The following RPS6KC1 variants were observed in gnomAD, a reference collection of about 807,000 sequenced individuals.
RPS6KC1 encodes inactive ribosomal protein S6 kinase delta-1.
Under a neutral mutation model 103.8 loss-of-function variants are expected in RPS6KC1, and 54 were observed. That is an observed-to-expected ratio of 0.52 (90% CI 0.42 to 0.65). RPS6KC1 has a LOEUF of 0.65. RPS6KC1 is among the 30% of genes least tolerant of loss of function. The pLI is 0.00. For missense variants in RPS6KC1, 1,151 were observed against 1,253.8 expected (o/e 0.92, Z 1.24); for synonymous variants, 439 against 438.7 (o/e 1.00, Z -0.01).
chr1:213,525,749 A>G, the RPS6KC1 span, among the ~76,000 whole-genome samples: 1 of 152,190 alleles, frequency 6.6e-6, no homozygotes, highest in African/African-American at 2.4e-5. Flanking sequence ...GCCTTGGCAA[A>G]TACAGGGCTG....
At chr1:213,577,756 G>A in the RPS6KC1 span, among the ~76,000 whole-genome samples, 145 of 152,252 alleles carry the variant, frequency 9.5e-4, 1 homozygote, top group Non-Finnish European at 1.9e-3. Context: ...AGGTGACTTG[G>A]CTGTTCTTAA....
intron 8 of RPS6KC1, among the ~76,000 whole-genome samples, chr1:213,214,559 A>G (rs571489302): frequency 2.2e-3 from 341 of 152,310 alleles, no homozygotes; most frequent in African/African-American, 8.0e-3. Flanking sequence ...TTGAGATCTG[A>G]GAATGGACAG....
At chr1:213,184,281 AAG>A in intron 8 of RPS6KC1, among the ~76,000 whole-genome samples, 1 of 152,102 alleles carries the variant, frequency 6.6e-6, no homozygotes, top group Non-Finnish European at 1.5e-5. Context: ...AAGACATTAG[AAG>A]AAAGAAAACT....
the RPS6KC1 span, among the ~76,000 whole-genome samples, chr1:213,816,623 C>T: frequency 1.3e-5 from 2 of 152,092 alleles, no homozygotes; most frequent in African/African-American, 2.4e-5. Flanking sequence ...AATTTCAGCC[C>T]CTCTGGTGTT....
At chr1:213,165,625 A>T (rs1021900598) in intron 6 of RPS6KC1, among the ~76,000 whole-genome samples, 10 of 152,062 alleles carry the variant, frequency 6.6e-5, no homozygotes, top group African/African-American at 2.4e-4. Flanking sequence ...GGGTTTCACC[A>T]TGTTAGCCAG....
At chr1:213,661,988 A>G in the RPS6KC1 span, among the ~76,000 whole-genome samples, 4 of 152,198 alleles carry the variant, frequency 2.6e-5, no homozygotes, top group Non-Finnish European at 4.4e-5. Context: ...ATTCCTATTA[A>G]TGTGGCTGGA....
At chr1:213,561,146 G>A in the RPS6KC1 span, among the ~76,000 whole-genome samples, 2 of 152,210 alleles carry the variant, frequency 1.3e-5, no homozygotes, top group East Asian at 1.9e-4. Flanking sequence ...ACGTCTACTC[G>A]GGTATTATCT....
At chr1:213,626,177 C>T in the RPS6KC1 span, among the ~76,000 whole-genome samples, 39 of 152,284 alleles carry the variant, frequency 2.6e-4, no homozygotes, top group Non-Finnish European at 4.4e-4. Flanking sequence ...TCTCTGATGG[C>T]CAGTGATGAA....
chr1:213,330,194 T>A, the RPS6KC1 span, among the ~76,000 whole-genome samples: 1 of 152,244 alleles, frequency 6.6e-6, no homozygotes, highest in African/African-American at 2.4e-5. Flanking sequence ...CCATCTGTGA[T>A]ACGGACTTGG....
chr1:213,736,932 T>C, the RPS6KC1 span, among the ~76,000 whole-genome samples: 1 of 152,222 alleles, frequency 6.6e-6, no homozygotes, highest in Non-Finnish European at 1.5e-5. Flanking sequence ...GGTCAAACTA[T>C]TCCCCAAGGA....
intron 1 of RPS6KC1, among the ~76,000 whole-genome samples, chr1:213,055,469 C>T (rs1242371661): frequency 6.6e-6 from 1 of 151,938 alleles, no homozygotes; most frequent in African/African-American, 2.4e-5. Flanking sequence ...TGCATTTTAT[C>T]TGATGGATAT....
At chr1:213,423,646 G>A in the RPS6KC1 span, among the ~76,000 whole-genome samples, 2 of 152,194 alleles carry the variant, frequency 1.3e-5, no homozygotes, top group Non-Finnish European at 2.9e-5. Context: ...CCAGCAAGAG[G>A]AAAGGACTTC....
chr1:213,821,485 T>C, the RPS6KC1 span: 1 of 152,210 alleles, frequency 6.6e-6, no homozygotes, highest in Admixed American at 6.5e-5. Context: ...AGGCAGAAAA[T>C]GTGGAAACAT....
intron 8 of RPS6KC1, among the ~76,000 whole-genome samples, chr1:213,194,189 C>T (rs569523396): frequency 1.3e-4 from 19 of 151,964 alleles, no homozygotes; most frequent in Non-Finnish European, 2.2e-4. Flanking sequence ...CTTTATTTTC[C>T]GCCTGTGTGT....
intron 6 of RPS6KC1, among the ~76,000 whole-genome samples, chr1:213,137,961 G>T (rs981865236): frequency 6.6e-6 from 1 of 151,020 alleles, no homozygotes; most frequent in African/African-American, 2.4e-5. Flanking sequence ...TAATCCAAAG[G>T]TCATGGTATC....
rs569117927 is a variant in RPS6KC1 at position 213,219,506 on chromosome 1, C to T, written c.1045-10991C>T. On this transcript the variant is annotated intron_variant, in intron 8 of 14. Coordinates refer to ENST00000366960, the MANE Select transcript of RPS6KC1 (RefSeq NM_012424.6). ...CCATTTGATCCAGCCATTCCATTAC[C>T]GGGTATATACCCAAAGGATTATAAC... Among the ~76,000 whole-genome samples the T allele has an allele frequency of 8.0e-4, 122 of 152,224 alleles. 1 individual carries two copies. The highest frequency in any genetic ancestry group is 1.9e-3 in the African/African-American group (80 of 41,538).
chr1:213,302,454 T>C, the RPS6KC1 span, among the ~76,000 whole-genome samples: 1 of 152,096 alleles, frequency 6.6e-6, no homozygotes, highest in Non-Finnish European at 1.5e-5. Context: ...TTGAGCCCAG[T>C]AGTTTGAGAC....
the RPS6KC1 span, among the ~76,000 whole-genome samples, chr1:213,607,724 C>CACACAT: frequency 6.7e-5 from 10 of 149,534 alleles, no homozygotes; most frequent in African/African-American, 2.5e-4. Flanking sequence ...CACACACACA[C>CACACAT]ACAAAATAAA....
At chr1:213,410,716 T>C in the RPS6KC1 span, among the ~76,000 whole-genome samples, 2 of 151,532 alleles carry the variant, frequency 1.3e-5, no homozygotes, top group Admixed American at 1.3e-4. Flanking sequence ...GGTGAGGAAG[T>C]GATTGAAGGG....
Sources: allele counts gnomAD v4.1 joint callset (sites outside exome capture counted in the v4.1 genomes callset), GRCh38; gene constraint gnomAD v4.1.1; transcripts MANE v1.5; gene names NCBI Gene and HGNC (gene_info 2026-07-23, HGNC 2026-07-21).